Variants in GULP1 observed in about 807,000 individuals in gnomAD.
The protein encoded by GULP1 is GULP PTB domain containing engulfment adaptor 1.
In GULP1, 19 loss-of-function variants were observed where a neutral mutation model predicts 40.9. The ratio of observed to expected loss-of-function variants is 0.46; its 90% CI spans 0.32 to 0.68. The LOEUF is 0.68. GULP1 is among the 30% of genes least tolerant of loss of function. The pLI is 0.03. For synonymous variants in GULP1, 119 were observed against 117.6 expected (o/e 1.01, Z -0.08); for missense variants, 312 against 362.2 (o/e 0.86, Z 1.12).
At chr2:188,586,069 A>G (rs1702305924) in intron 10 of GULP1, among the ~76,000 whole-genome samples, 1 of 152,126 alleles carries the variant, frequency 6.6e-6, no homozygotes, top group South Asian at 2.1e-4. Context: ...CAGATACCCT[A>G]AATCATCTCT....
intron 1 of GULP1, among the ~76,000 whole-genome samples, chr2:188,369,801 C>T (rs893348883): frequency 6.6e-6 from 1 of 152,178 alleles, no homozygotes; most frequent in Non-Finnish European, 1.5e-5. Flanking sequence ...CCATCCCGCT[C>T]AGAGTCTAGA....
chr2:188,575,123 A>G (rs1699910124), intron 9 of GULP1, among the ~76,000 whole-genome samples: 1 of 152,180 alleles, frequency 6.6e-6, no homozygotes, highest in South Asian at 2.1e-4. Flanking sequence ...AAGTTCCCTC[A>G]AGGTTTTATG....
chr2:188,433,040 G>A (rs1039090941), intron 2 of GULP1, among the ~76,000 whole-genome samples: 1 of 152,080 alleles, frequency 6.6e-6, no homozygotes, highest in Non-Finnish European at 1.5e-5. Context: ...AAAAGTAATG[G>A]CAGATTTAAA....
chr2:188,422,746 A>C (rs534360575), intron 2 of GULP1, among the ~76,000 whole-genome samples: 48 of 152,220 alleles, frequency 3.2e-4, no homozygotes, highest in African/African-American at 1.2e-3. Flanking sequence ...TAAATTTTTT[A>C]AACTACTATG....
At chr2:188,466,444 A>ATTTTTT (rs60944877) in intron 2 of GULP1, 10 of 118,200 alleles carry the variant, frequency 8.5e-5, no homozygotes, top group Non-Finnish European at 8.8e-5. Flanking sequence ...TGCCCAGCTA[A>ATTTTTT]TTTTTTTTTT....
Position 188,291,966 on chromosome 2 carries a change from AG to A in GULP1, c.-366del, listed in dbSNP as rs1413842548. 2.0e-5 allele frequency: 3 copies of A among 151,352 alleles called. No homozygotes were observed. Among genetic ancestry groups the A allele is most frequent in the African/African-American group, 4.9e-5 (2 of 40,688 alleles). The allele number at this position is 151,352 out of a possible 1,614,324, so 9.4% of individuals were successfully genotyped here. On this transcript the variant is annotated 5_prime_UTR_variant, in exon 1 of 12. Coordinates refer to ENST00000409830, the MANE Select transcript of GULP1 (RefSeq NM_016315.4). ...ATTCGGCGGATTAGGAAGAGGAGGG[AG>A]GGGGGAGAGAGCGCGAAGAGGGAGG...
chr2:188,526,908 A>G (rs933254737), intron 5 of GULP1, among the ~76,000 whole-genome samples: 2 of 152,224 alleles, frequency 1.3e-5, no homozygotes, highest in Non-Finnish European at 2.9e-5. Context: ...TTGAAATAAG[A>G]AGCTTAGATT....
intron 2 of GULP1, among the ~76,000 whole-genome samples, chr2:188,438,501 A>G (rs549428004): frequency 6.6e-6 from 1 of 150,994 alleles, no homozygotes; most frequent in Non-Finnish European, 1.5e-5. Flanking sequence ...TATTAATATA[A>G]TTATTCTATT....
At chr2:188,420,361 T>A (rs534703145) in intron 2 of GULP1, among the ~76,000 whole-genome samples, 1 of 152,324 alleles carries the variant, frequency 6.6e-6, no homozygotes, top group African/African-American at 2.4e-5. Context: ...ATCAGTAATT[T>A]GTAGTTTTCA....
intron 10 of GULP1, 60 bp downstream of exon 10, chr2:188,584,463 A>G: frequency 1.1e-6 from 1 of 918,116 alleles, no homozygotes; most frequent in Admixed American, 2.5e-5. Context: ...TAAATATATA[A>G]TTAAGACTTT....
intron 2 of GULP1, among the ~76,000 whole-genome samples, chr2:188,463,658 T>C (rs1027282760): frequency 2.6e-4 from 39 of 152,150 alleles, no homozygotes; most frequent in African/African-American, 8.9e-4. Flanking sequence ...TGCGGCTTTC[T>C]AGATGCTGTC....
chr2:188,427,802 C>T (rs1215869245), intron 2 of GULP1, among the ~76,000 whole-genome samples: 1 of 152,220 alleles, frequency 6.6e-6, no homozygotes, highest in Non-Finnish European at 1.5e-5. Context: ...GGTTGAAGCC[C>T]CCACACAGAA....
chr2:188,593,446 T>G (rs1004779318), intron 11 of GULP1: 2 of 152,146 alleles, frequency 1.3e-5, no homozygotes, highest in African/African-American at 4.8e-5. Flanking sequence ...TAATCTGCAG[T>G]TGTGTGTTCC....
At chr2:188,466,229 C>G (rs2060101350) in intron 2 of GULP1, among the ~76,000 whole-genome samples, 1 of 151,528 alleles carries the variant, frequency 6.6e-6, no homozygotes. Context: ...AAACATACTT[C>G]ATTTGGATAC....
chr2:188,310,514 C>T (rs1284689406), intron 1 of GULP1, among the ~76,000 whole-genome samples: 1 of 151,910 alleles, frequency 6.6e-6, no homozygotes. Context: ...TAAAATTCAC[C>T]AAGACAAGGA....
chr2:188,542,557 C>T (rs1417368388), intron 7 of GULP1, among the ~76,000 whole-genome samples: 1 of 151,938 alleles, frequency 6.6e-6, no homozygotes, highest in African/African-American at 2.4e-5. Context: ...GAAAGGAAAG[C>T]TAATGTGCTA....
Position 188,595,394 on chromosome 2 carries a change from A to G in GULP1, c.*1383A>G, listed in dbSNP as rs1362643282. On this transcript the variant is annotated 3_prime_UTR_variant, in exon 12 of 12. Transcript: ENST00000409830. ...AGGTACATTTTCACTAGGAAAAGAA[A>G]TCAAATATGCTTATGCAATATATAT... The G allele has an allele frequency of 6.6e-6, 1 of 152,178 alleles. No individual in the cohort carries two copies. The highest frequency in any genetic ancestry group is 1.5e-5 in the Non-Finnish European group (1 of 67,748). The allele number at this position is 152,178 out of a possible 1,614,324, so 9.4% of individuals were successfully genotyped here. A position where few individuals can be genotyped will look rare whatever the true frequency, so the allele number is the denominator to read the frequency against.
chr2:188,580,714 T>C (rs1245115671), intron 9 of GULP1, among the ~76,000 whole-genome samples: 1 of 152,210 alleles, frequency 6.6e-6, no homozygotes, highest in Non-Finnish European at 1.5e-5. Context: ...TGGCTTCCTT[T>C]TTCTCTCTGC....
chr2:188,379,427 T>C (rs2048728229), intron 1 of GULP1, among the ~76,000 whole-genome samples: 1 of 152,230 alleles, frequency 6.6e-6, no homozygotes, highest in African/African-American at 2.4e-5. Context: ...TCTATTCCTA[T>C]ATAAATTAAA....
Sources: gnomAD v4.1 joint callset for allele counts (sites outside exome capture counted in the v4.1 genomes callset) on GRCh38, gnomAD v4.1.1 for gene constraint, MANE v1.5 for transcripts, NCBI Gene and HGNC (gene_info 2026-07-23, HGNC 2026-07-21) for gene names.